Variants in PLCE1 observed in about 807,000 individuals in gnomAD.
The protein encoded by PLCE1 is phospholipase C epsilon 1.
Under a neutral mutation model 242.8 loss-of-function variants are expected in PLCE1, and 119 were observed. The ratio of observed to expected loss-of-function variants is 0.49; its 90% CI spans 0.42 to 0.57. The LOEUF is 0.57. Ranked by LOEUF, PLCE1 falls within the 20% of genes least tolerant of loss-of-function variation. PLCE1 has a pLI of 0.00. For missense variants in PLCE1, 2,441 were observed against 2,788.8 expected (o/e 0.88, Z 2.81); for synonymous variants, 945 against 1,017.4 (o/e 0.93, Z 1.35).
intron 22 of PLCE1, among the ~76,000 whole-genome samples, chr10:94,288,683 T>A (rs1162387960): frequency 6.6e-6 from 1 of 152,070 alleles, no homozygotes; most frequent in Non-Finnish European, 1.5e-5. Flanking sequence ...CACCACACAG[T>A]CCACAGAGCA....
intron 19 of PLCE1, among the ~76,000 whole-genome samples, chr10:94,274,216 C>T (rs566412496): frequency 1.3e-5 from 2 of 152,228 alleles, no homozygotes; most frequent in East Asian, 3.9e-4. Flanking sequence ...AGGAGACCCT[C>T]GGCTCAAAGG....
chr10:94,039,918 A>G (rs1395715807), intron 2 of PLCE1, among the ~76,000 whole-genome samples: 1 of 152,082 alleles, frequency 6.6e-6, no homozygotes, highest in Non-Finnish European at 1.5e-5. Context: ...TATATTCTGG[A>G]TATAAGTTCA....
At chr10:94,266,492 G>A (rs764674770) in intron 16 of PLCE1, among the ~76,000 whole-genome samples, 43 of 152,142 alleles carry the variant, frequency 2.8e-4, no homozygotes, top group Non-Finnish European at 8.8e-5. Flanking sequence ...AAATTCATCA[G>A]AATGTTCTTT....
chr10:94,227,452 G>A lies in PLCE1; in HGVS notation c.1955+1G>A, dbSNP rs1182454354. ...TCATGGAGTTCTTGGCTGGCCTCAG[G>A]TATAGTCAGTGGGGAATATGGTTAT... On this transcript the variant is annotated splice_donor_variant, in intron 5 of 32. Transcript: ENST00000371380. LOFTEE classifies it high-confidence loss of function. 1 of 1,613,546 alleles carries A rather than the reference G, an allele frequency of 6.2e-7. No individual in the cohort carries two copies. The highest frequency in any genetic ancestry group is 8.5e-7 in the Non-Finnish European group (1 of 1,179,458).
intron 1 of PLCE1, among the ~76,000 whole-genome samples, chr10:94,004,042 G>T (rs751053316): frequency 6.6e-6 from 1 of 152,082 alleles, no homozygotes; most frequent in Non-Finnish European, 1.5e-5. Flanking sequence ...AGCTACTTGG[G>T]AGGCCGAGGC....
At chr10:94,270,312 T>C (rs762172968) in intron 17 of PLCE1, among the ~76,000 whole-genome samples, 174 bp from the exon 18 acceptor site, 3 of 152,226 alleles carry the variant, frequency 2.0e-5, no homozygotes, top group Non-Finnish European at 2.9e-5. Flanking sequence ...TAAAGTTTAA[T>C]GTCTTTCTAC....
rs74151026 is a variant in PLCE1, at chr10:94,088,359, C to T, written c.1207-43815C>T. On this transcript the variant is annotated intron_variant, in intron 2 of 32. Transcript: ENST00000371380. ...GCATCTCCACTAGTCTCAAGCTAACCTCTAATCTGCAATGAAGCCTTACCA... is the reference window on the plus strand; with the variant it reads ...GCATCTCCACTAGTCTCAAGCTAACTTCTAATCTGCAATGAAGCCTTACCA... 7.5e-4 allele frequency among the ~76,000 whole-genome samples: 115 copies of T among 152,332 alleles called. 1 individual carries two copies. Among genetic ancestry groups the T allele is most frequent in the African/African-American group, 2.7e-3 (113 of 41,580 alleles).
chr10:94,147,813 A>T (rs1294704535), intron 3 of PLCE1, among the ~76,000 whole-genome samples: 1 of 152,240 alleles, frequency 6.6e-6, no homozygotes, highest in African/African-American at 2.4e-5. Context: ...TGTAGGAAAT[A>T]TAATAGAATG....
chr10:93,999,738 C>T, intron 1 of PLCE1, among the ~76,000 whole-genome samples: 1 of 107,950 alleles, frequency 9.3e-6, no homozygotes, highest in Non-Finnish European at 1.8e-5. Context: ...CCCCAGCGCC[C>T]TGTTGGCTCT....
At position 94,328,922 on chromosome 10, in the gene PLCE1, C is replaced by G. The variant is rs190427058; in HGVS notation, c.*979C>G. On this transcript the variant is annotated 3_prime_UTR_variant, in exon 33 of 33. Transcript: ENST00000371380. ...TTTAATATCTACTGAATTGCAATGT[C>G]TTAACAAGAAACCTAACAATTTTTT... The G allele has an allele frequency of 5.9e-5, 9 of 152,178 alleles. No homozygotes were observed. Among genetic ancestry groups the G allele is most frequent in the African/African-American group, 1.7e-4 (7 of 41,524 alleles). The allele number at this position is 152,178 out of a possible 1,614,324, so 9.4% of individuals were successfully genotyped here. A position where few individuals can be genotyped will look rare whatever the true frequency, so the allele number is the denominator to read the frequency against.
At chr10:94,072,119 C>G (rs2044378237) in intron 2 of PLCE1, among the ~76,000 whole-genome samples, 1 of 152,150 alleles carries the variant, frequency 6.6e-6, no homozygotes, top group Non-Finnish European at 1.5e-5. Context: ...AGAGAAGTTA[C>G]TGAGGCTGAA....
Position 94,325,758 on chromosome 10 carries a change from G to A in PLCE1, c.*24+654G>A, listed in dbSNP as rs185975333. 9 of 152,252 alleles carry A rather than the reference G, an allele frequency of 5.9e-5. No individual in the cohort carries two copies. In the East Asian group the frequency reaches 1.7e-3, roughly 29 times the overall value. 9.4% of individuals were successfully genotyped at this position (152,252 alleles called of 1,614,324 possible). A position where few individuals can be genotyped will look rare whatever the true frequency, so the allele number is the denominator to read the frequency against. Reference sequence around the variant, plus strand: ...TTATTTCATCAGACAACTGTCTTCAGTATTAATAGCTGACAGAAACATTCT... The same window carrying A: ...TTATTTCATCAGACAACTGTCTTCAATATTAATAGCTGACAGAAACATTCT... On this transcript the variant is annotated intron_variant, in intron 32 of 32. Coordinates refer to ENST00000371380, the MANE Select transcript of PLCE1 (RefSeq NM_016341.4).
intron 30 of PLCE1, among the ~76,000 whole-genome samples, chr10:94,323,532 A>G (rs1292390398): frequency 6.6e-6 from 1 of 152,260 alleles, no homozygotes; most frequent in Non-Finnish European, 1.5e-5. Flanking sequence ...CCAGCAAAAC[A>G]CTACATGGTA....
intron 4 of PLCE1, among the ~76,000 whole-genome samples, chr10:94,189,846 G>T (rs898438568): frequency 6.6e-6 from 1 of 152,160 alleles, no homozygotes; most frequent in Non-Finnish European, 1.5e-5. Context: ...AGCCAAAGAG[G>T]TCAAGAGCAT....
intron 11 of PLCE1, among the ~76,000 whole-genome samples, chr10:94,256,767 C>G (rs1270766388): frequency 6.6e-6 from 1 of 152,064 alleles, no homozygotes; most frequent in Non-Finnish European, 1.5e-5. Context: ...AGGCCAACCC[C>G]AGGAGGACAG....
At chr10:94,102,310 G>A (rs184958691) in intron 2 of PLCE1, among the ~76,000 whole-genome samples, 26 of 152,304 alleles carry the variant, frequency 1.7e-4, no homozygotes, top group African/African-American at 5.3e-4. Flanking sequence ...CCACACCCAA[G>A]TGTACCAATT....
At position 94,251,463 on chromosome 10, in the gene PLCE1, G is replaced by A. The variant is rs565485560; in HGVS notation, c.3097-853G>A. The stretch of plus-strand genomic sequence containing the variant: ...AGAGCCAGCCTGAAATGTTTTTGAA[G>A]AGTAAACACAGTACATGGAAATTAA... On this transcript the variant is annotated intron_variant, in intron 8 of 32. Coordinates refer to ENST00000371380, the MANE Select transcript of PLCE1 (RefSeq NM_016341.4). Among the ~76,000 whole-genome samples, 173 of 152,300 alleles carry A rather than the reference G, an allele frequency of 1.1e-3. 2 individuals carry two copies. Among genetic ancestry groups the A allele is most frequent in the Non-Finnish European group, 2.2e-3 (147 of 68,016 alleles).
chr10:94,207,114 C>A (rs576512556), intron 4 of PLCE1, among the ~76,000 whole-genome samples: 2 of 152,284 alleles, frequency 1.3e-5, no homozygotes, highest in East Asian at 3.9e-4. Flanking sequence ...TCTTCCATTC[C>A]CTCTTCCCTT....
intron 3 of PLCE1, among the ~76,000 whole-genome samples, chr10:94,160,598 T>A (rs1470907975): frequency 6.6e-6 from 1 of 152,232 alleles, no homozygotes; most frequent in Non-Finnish European, 1.5e-5. Flanking sequence ...TAGTTTCTTT[T>A]GCTGTGCAGA....
Sources: gnomAD v4.1 joint callset for allele counts (sites outside exome capture counted in the v4.1 genomes callset) on GRCh38, gnomAD v4.1.1 for gene constraint, MANE v1.5 for transcripts, NCBI Gene and HGNC (gene_info 2026-07-23, HGNC 2026-07-21) for gene names.